NUP160: variants seen among roughly 807,000 people sequenced by gnomAD.
NUP160 encodes the protein nucleoporin 160, also known as nuclear pore complex protein Nup160.
Under a neutral mutation model 196.9 loss-of-function variants are expected in NUP160, and 94 were observed. The observed-to-expected ratio is 0.48, with a 90% CI of 0.40 to 0.57. The LOEUF (loss-of-function observed/expected upper bound fraction) is 0.57. NUP160 is among the 20% of genes least tolerant of loss of function. The pLI is 0.00. For missense variants in NUP160, 1,638 were observed against 1,748.3 expected (o/e 0.94, Z 1.13); for synonymous variants, 605 against 619.7 (o/e 0.98, Z 0.35).
At chr11:47,798,502 TTGTAA>T (rs1251641923) in intron 23 of NUP160, 39 bp from the exon 24 acceptor site, 1 of 1,147,004 alleles carries the variant, frequency 8.7e-7, no homozygotes, top group Non-Finnish European at 1.3e-6. Flanking sequence ...AAAATTAATA[TTGTAA>T]TGTACTTCAA....
intron 5 of NUP160, 152 bp downstream of exon 5, chr11:47,837,393 G>A (rs1272783072): frequency 1.5e-6 from 1 of 645,548 alleles, no homozygotes; most frequent in Admixed American, 2.8e-5. Context: ...TCGGGAGTGT[G>A]GCTTTCCTCA....
At chr11:47,843,753 A>G (rs1458221811) in intron 2 of NUP160, among the ~76,000 whole-genome samples, 1 of 152,222 alleles carries the variant, frequency 6.6e-6, no homozygotes, top group Non-Finnish European at 1.5e-5. Context: ...ATAGTGCAGA[A>G]GGTGAAAAAT....
At chr11:47,834,745 T>C (rs1012192887) in intron 7 of NUP160, among the ~76,000 whole-genome samples, 1 of 151,970 alleles carries the variant, frequency 6.6e-6, no homozygotes, top group Non-Finnish European at 1.5e-5. Flanking sequence ...GCAGGGGTGA[T>C]ATGGCCAGGT....
At chr11:47,810,291 A>G (rs1454658872) in intron 17 of NUP160, among the ~76,000 whole-genome samples, 1 of 151,836 alleles carries the variant, frequency 6.6e-6, no homozygotes, top group Admixed American at 6.6e-5. Context: ...TCAACCTCCC[A>G]GGCTCAGGTA....
intron 13 of NUP160, among the ~76,000 whole-genome samples, chr11:47,813,797 C>A (rs754891642): frequency 6.6e-6 from 1 of 151,616 alleles, no homozygotes; most frequent in Non-Finnish European, 1.5e-5. Flanking sequence ...CTGGGCCGGG[C>A]GCAGTGGCTC....
chr11:47,835,471 T>C (rs1852154595), intron 7 of NUP160, among the ~76,000 whole-genome samples, 180 bp downstream of exon 7: 1 of 149,830 alleles, frequency 6.7e-6, no homozygotes, highest in South Asian at 2.1e-4. Flanking sequence ...CTCTACTTCC[T>C]TTCATACTGA....
At chr11:47,827,406 GA>G (rs200449710) in intron 7 of NUP160, among the ~76,000 whole-genome samples, 1 of 148,942 alleles carries the variant, frequency 6.7e-6, no homozygotes, top group African/African-American at 2.5e-5. Context: ...GCATCACAAT[GA>G]AAAAAAAAGA....
chr11:47,847,883 C>T, exon 2 of NUP160: 1 of 1,614,136 alleles, frequency 6.2e-7, no homozygotes, highest in Non-Finnish European at 8.5e-7. Context: ...CGGAGAACAA[C>T]TTGCCACTCT....
rs145992472 is a variant in NUP160, at chr11:47,788,507, C to G, written c.3616G>C (p.Val1206Leu). The change falls in exon 30 of 36, where the codon GTT (valine) becomes CTT (leucine). Residue 1206 changes from valine (V) to leucine (L), a missense_variant. Val to Leu is a conservative substitution (Grantham distance 32). Around this residue, in one of 3 missense-constraint regions of NUP160, gnomAD observed 1,345 missense variants for 1,470.2 expected, o/e 0.91. Coordinates refer to ENST00000378460, the Ensembl canonical transcript of NUP160. The stretch of plus-strand genomic sequence containing the variant: ...TAAACTCTTGAATTCCTACCAGCAA[C>G]TGCAACCGCTGATGGATCATGCTGA... The G allele has an allele frequency of 1.3e-5, 21 of 1,612,934 alleles. No individual in the cohort carries two copies. Among genetic ancestry groups the G allele is most frequent in the Non-Finnish European group, 1.6e-5 (19 of 1,179,074 alleles).
intron 3 of NUP160, 101 bp downstream of exon 3, chr11:47,840,277 A>C: frequency 9.3e-7 from 1 of 1,071,540 alleles, no homozygotes; most frequent in Non-Finnish European, 1.4e-6. Context: ...GATAACGAGA[A>C]TCCAAATTTC....
exon 6 of NUP160, chr11:47,836,992 C>G: frequency 6.2e-7 from 1 of 1,608,264 alleles, no homozygotes. Flanking sequence ...CTGAAGGCGA[C>G]TGGTCACCCC....
chr11:47,778,411 T>C (rs896768889), exon 36 of NUP160: 1 of 152,652 alleles, frequency 6.6e-6, no homozygotes, highest in Admixed American at 6.5e-5. Context: ...TCATAAATCA[T>C]AGAAGTTAAC....
intron 15 of NUP160, 37 bp from the exon 16 acceptor site, chr11:47,812,466 G>A (rs752120328): frequency 1.3e-6 from 2 of 1,590,708 alleles, no homozygotes; most frequent in African/African-American, 2.7e-5. Flanking sequence ...TTACTACCGA[G>A]AATACGTAAG....
rs1267737755 is a variant in NUP160, at chr11:47,792,961, T to C, written c.3290-15A>G. 1.9e-6 allele frequency: 3 copies of C among 1,594,852 alleles called. No homozygotes were observed. Among genetic ancestry groups the C allele is most frequent in the South Asian group, 1.1e-5 (1 of 87,562 alleles). Reference sequence around the variant, plus strand: ...CACTGTGCCAGCTATGAGGAGATAATAAATTAGACTTTAGAACTTCCAAAT... The same window carrying C: ...CACTGTGCCAGCTATGAGGAGATAACAAATTAGACTTTAGAACTTCCAAAT... On this transcript the variant is annotated splice_polypyrimidine_tract_variant and intron_variant, in intron 27 of 35. Transcript: ENST00000378460.
intron 23 of NUP160, among the ~76,000 whole-genome samples, 160 bp downstream of exon 23, chr11:47,801,651 T>C (rs1376574055): frequency 6.6e-6 from 1 of 152,172 alleles, no homozygotes; most frequent in Non-Finnish European, 1.5e-5. Context: ...TGCCCGGCCA[T>C]GTTTCTTTAA....
At chr11:47,804,452 G>A in intron 21 of NUP160, 97 bp downstream of exon 21, 1 of 758,770 alleles carries the variant, frequency 1.3e-6, no homozygotes, top group Non-Finnish European at 2.2e-6. Context: ...AAATTATTGT[G>A]GTTCTTTAAA....
At chr11:47,823,858 T>C (rs562662929) in intron 7 of NUP160, among the ~76,000 whole-genome samples, 61 of 151,756 alleles carry the variant, frequency 4.0e-4, no homozygotes, top group Non-Finnish European at 8.8e-5. Context: ...AAAACTGAAA[T>C]ATTAAACTGT....
chr11:47,831,352 TAACAACAAG>T (rs1852069056), intron 7 of NUP160, among the ~76,000 whole-genome samples: 4 of 152,102 alleles, frequency 2.6e-5, no homozygotes, highest in Admixed American at 2.6e-4. Flanking sequence ...AAAAGTCAGA[TAACAACAAG>T]TGTTGACAAG....
chr11:47,816,027 A>T, exon 12 of NUP160: 23 of 1,610,290 alleles, frequency 1.4e-5, no homozygotes, highest in Non-Finnish European at 2.0e-5. Flanking sequence ...CTCGGCAGAA[A>T]ATCTAACATT....
Sources: allele counts gnomAD v4.1 joint callset (sites outside exome capture counted in the v4.1 genomes callset), GRCh38; gene constraint gnomAD v4.1.1; regional missense constraint gnomAD v4.1.1; transcripts MANE v1.5; gene names NCBI Gene and HGNC (gene_info 2026-07-23, HGNC 2026-07-21).